RPTOR: variants seen among roughly 807,000 people sequenced by gnomAD.
RPTOR encodes regulatory-associated protein of mTOR.
Under a neutral mutation model 169.9 loss-of-function variants are expected in RPTOR, and 21 were observed. The observed-to-expected ratio is 0.12, with a 90% CI of 0.09 to 0.18. The LOEUF is 0.18. Ranked by LOEUF, RPTOR falls within the 10% of genes least tolerant of loss-of-function variation. The pLI, the probability that RPTOR is intolerant of heterozygous loss-of-function variation, is 1.00. For synonymous variants in RPTOR, 732 were observed against 753.2 expected (o/e 0.97, Z 0.46); for missense variants, 1,133 against 1,855.9 (o/e 0.61, Z 7.16).
At chr17:80,626,558 A>T (rs537364831) in intron 2 of RPTOR, among the ~76,000 whole-genome samples, 36 of 152,150 alleles carry the variant, frequency 2.4e-4, no homozygotes, top group African/African-American at 8.7e-4. Context: ...GTCAGACGCC[A>T]CTGGAAGCAC....
intron 11 of RPTOR, among the ~76,000 whole-genome samples, chr17:80,854,542 G>C (rs1044590522): frequency 2.0e-5 from 3 of 152,224 alleles, no homozygotes; most frequent in African/African-American, 7.2e-5. Context: ...TAGTGGAAAA[G>C]AATCATGTAC....
intron 4 of RPTOR, among the ~76,000 whole-genome samples, chr17:80,711,742 G>GTTTTTTTTTTTT (rs1298623680): frequency 5.8e-5 from 3 of 51,402 alleles, no homozygotes; most frequent in African/African-American, 5.6e-4. Flanking sequence ...TTATACATCA[G>GTTTTTTTTTTTT]TCTTTTTTTT....
At chr17:80,679,569 C>T (rs1265127939) in intron 3 of RPTOR, among the ~76,000 whole-genome samples, 1 of 151,990 alleles carries the variant, frequency 6.6e-6, no homozygotes, top group Non-Finnish European at 1.5e-5. Flanking sequence ...CTTTTTGTTT[C>T]TCTTAGCTTA....
chr17:80,775,389 G>A (rs1018630834), intron 6 of RPTOR, among the ~76,000 whole-genome samples: 1 of 152,148 alleles, frequency 6.6e-6, no homozygotes. Context: ...GAGACTGCAG[G>A]TGTCAGCCCC....
At chr17:80,917,446 T>C (rs2068688196) in intron 21 of RPTOR, among the ~76,000 whole-genome samples, 1 of 152,206 alleles carries the variant, frequency 6.6e-6, no homozygotes. Flanking sequence ...CACATTGTCA[T>C]GCCAGAATTT....
chr17:80,665,063 A>G (rs774562798), intron 3 of RPTOR, among the ~76,000 whole-genome samples: 1 of 152,022 alleles, frequency 6.6e-6, no homozygotes, highest in Non-Finnish European at 1.5e-5. Flanking sequence ...AAAATATTTG[A>G]AAGGATATCA....
At chr17:80,691,584 A>G (rs892686665) in intron 3 of RPTOR, among the ~76,000 whole-genome samples, 8 of 151,954 alleles carry the variant, frequency 5.3e-5, no homozygotes, top group Non-Finnish European at 1.0e-4. Flanking sequence ...TTGGCCCCTG[A>G]GCCTTGTGAT....
intron 5 of RPTOR, chr17:80,743,496 C>A (rs75867565): frequency 1.0e-6 from 1 of 973,628 alleles, no homozygotes; most frequent in African/African-American, 1.8e-5. Flanking sequence ...GCTCCAGCAG[C>A]GCGTTCGGAG....
intron 2 of RPTOR, among the ~76,000 whole-genome samples, chr17:80,634,518 TGC>T (rs1268073211): frequency 3.5e-5 from 5 of 141,874 alleles, no homozygotes; most frequent in East Asian, 2.3e-4. Context: ...TGTGTGTGTG[TGC>T]GTACTGTGTG....
intron 1 of RPTOR, among the ~76,000 whole-genome samples, chr17:80,581,886 G>A (rs1477663348): frequency 6.6e-6 from 1 of 152,246 alleles, no homozygotes; most frequent in Non-Finnish European, 1.5e-5. Context: ...TGGTGGCCAA[G>A]GGGAGTGATC....
intron 11 of RPTOR, among the ~76,000 whole-genome samples, chr17:80,854,501 G>A (rs1259447380): frequency 2.0e-5 from 3 of 152,298 alleles, no homozygotes; most frequent in Non-Finnish European, 2.9e-5. Context: ...TATATGCTCC[G>A]ACCTTACCTT....
chr17:80,772,912 G>T (rs1396739242), intron 6 of RPTOR, among the ~76,000 whole-genome samples: 3 of 152,172 alleles, frequency 2.0e-5, no homozygotes, highest in Admixed American at 1.3e-4. Flanking sequence ...CTGTACAGGG[G>T]CAGAGCCAGG....
At chr17:80,574,169 T>TG (rs2064937301) in intron 1 of RPTOR, among the ~76,000 whole-genome samples, 1 of 148,278 alleles carries the variant, frequency 6.7e-6, no homozygotes, top group Non-Finnish European at 1.5e-5. Context: ...TTTTTTTTTT[T>TG]TTTTTTGAGA....
intron 1 of RPTOR, among the ~76,000 whole-genome samples, chr17:80,617,813 G>T (rs1397950964): frequency 4.6e-5 from 7 of 152,156 alleles, no homozygotes; most frequent in Admixed American, 4.6e-4. Flanking sequence ...CTGACTGGCT[G>T]CGCACGCTAG....
At chr17:80,760,300 CTTTTTTCTT>C (rs1319425191) in intron 6 of RPTOR, among the ~76,000 whole-genome samples, 1 of 96,500 alleles carries the variant, frequency 1.0e-5, no homozygotes, top group Non-Finnish European at 2.0e-5. Flanking sequence ...TTTCTTTTTT[CTTTTTTCTT>C]TTTTTTTTTT....
At chr17:80,694,934 G>A (rs558014626) in intron 3 of RPTOR, among the ~76,000 whole-genome samples, 19 of 152,274 alleles carry the variant, frequency 1.2e-4, no homozygotes, top group African/African-American at 4.3e-4. Flanking sequence ...ACAGTGCCAC[G>A]GGCAGCTATA....
chr17:80,801,106 C>T (rs931206525), intron 7 of RPTOR, among the ~76,000 whole-genome samples: 27 of 152,252 alleles, frequency 1.8e-4, no homozygotes, highest in East Asian at 1.2e-3. Context: ...GTGGGACTTC[C>T]GTCTCATCTG....
chr17:80,674,932 G>A (rs1325300517), intron 3 of RPTOR, among the ~76,000 whole-genome samples: 2 of 151,666 alleles, frequency 1.3e-5, no homozygotes, highest in African/African-American at 4.9e-5. Context: ...GAAATGAATC[G>A]TCCTGACGTG....
intron 13 of RPTOR, among the ~76,000 whole-genome samples, chr17:80,879,134 A>G (rs1273052216): frequency 6.6e-6 from 1 of 152,100 alleles, no homozygotes; most frequent in Non-Finnish European, 1.5e-5. Flanking sequence ...CCTCAGCTGC[A>G]GTGTGCCCCA....
Sources: allele counts gnomAD v4.1 joint callset (sites outside exome capture counted in the v4.1 genomes callset), GRCh38; gene constraint gnomAD v4.1.1; transcripts MANE v1.5; gene names NCBI Gene and HGNC (gene_info 2026-07-23, HGNC 2026-07-21).